Variants in CANX observed in about 807,000 individuals in gnomAD.
CANX encodes epididymis secretory sperm binding protein.
A neutral mutation model predicts 75.7 loss-of-function variants in CANX; 14 were observed. That is an observed-to-expected ratio of 0.19 (90% CI 0.12 to 0.29). The LOEUF is 0.29. Among genes scored for constraint, CANX ranks in the 10% least tolerant of loss-of-function variants. CANX has a pLI of 1.00. For missense variants in CANX, 567 were observed against 713.2 expected (o/e 0.79, Z 2.34); for synonymous variants, 227 against 236.9 (o/e 0.96, Z 0.38).
intron 1 of CANX, chr5:179,700,157 G>A (rs1776639244): frequency 6.6e-6 from 1 of 152,188 alleles, no homozygotes; most frequent in African/African-American, 2.4e-5. Flanking sequence ...TATGGTGATA[G>A]AAGAAACCGG....
At chr5:179,689,379 G>GTTTTTC in intron 1 of CANX, among the ~76,000 whole-genome samples, 1 of 83,676 alleles carries the variant, frequency 1.2e-5, no homozygotes, top group Non-Finnish European at 2.2e-5. Flanking sequence ...AACCCAACAA[G>GTTTTTC]TTTTTTTTTT....
At chr5:179,715,540 A>G (rs1175872569) in intron 7 of CANX, among the ~76,000 whole-genome samples, 1 of 152,240 alleles carries the variant, frequency 6.6e-6, no homozygotes, top group African/African-American at 2.4e-5. Flanking sequence ...TCTGTCTCAA[A>G]AAAATAAAAT....
At chr5:179,709,413 C>CAA (rs1163773074) in intron 6 of CANX, among the ~76,000 whole-genome samples, 4 of 123,786 alleles carry the variant, frequency 3.2e-5, no homozygotes, top group Non-Finnish European at 5.1e-5. Context: ...GACTCCATCT[C>CAA]AAAAAAAAAA....
At chr5:179,726,027 G>T (rs553588818) in intron 13 of CANX, among the ~76,000 whole-genome samples, 5 of 151,500 alleles carry the variant, frequency 3.3e-5, no homozygotes, top group Non-Finnish European at 7.4e-5. Context: ...GGTGGCTCAC[G>T]CCTATAATCC....
intron 1 of CANX, among the ~76,000 whole-genome samples, chr5:179,681,206 A>G (rs1776055214): frequency 6.6e-6 from 1 of 152,194 alleles, no homozygotes; most frequent in African/African-American, 2.4e-5. Context: ...TGTTCTAGGA[A>G]CAGTTCTAGG....
intron 3 of CANX, among the ~76,000 whole-genome samples, chr5:179,706,745 C>T (rs1777166371): frequency 6.6e-6 from 1 of 152,164 alleles, no homozygotes; most frequent in Non-Finnish European, 1.5e-5. Flanking sequence ...GCATGAGCCA[C>T]CGCACCTGGC....
chr5:179,698,878 A>G (rs900172919), upstream of CANX: 14 of 1,125,542 alleles, frequency 1.2e-5, no homozygotes, highest in Admixed American at 4.0e-4. Flanking sequence ...CTTGCGCGGG[A>G]GGGCGGGACT....
chr5:179,686,100 G>C (rs1188888459), intron 1 of CANX, among the ~76,000 whole-genome samples: 1 of 101,158 alleles, frequency 9.9e-6, no homozygotes, highest in Non-Finnish European at 2.2e-5. Context: ...GGTTGTTCAA[G>C]TCTTTTTTTT....
Position 179,698,968 on chromosome 5 carries a change from G to C in CANX, c.-138G>C. On this transcript the variant is annotated 5_prime_UTR_variant, in exon 1 of 15. Coordinates refer to ENST00000247461, the MANE Select transcript of CANX (RefSeq NM_001746.4). ...TGCGGTGGGGCTCGCTCGCGCGGCA[G>C]CGGTGGCCGAGGCCTCTTGGTTCTG... 2 of 1,124,626 alleles carry C rather than the reference G, an allele frequency of 1.8e-6. No homozygotes were observed. Among genetic ancestry groups the C allele is most frequent in the Non-Finnish European group, 2.2e-6 (2 of 911,412 alleles). 69.7% of individuals were successfully genotyped at this position (1,124,626 alleles called of 1,614,324 possible).
intron 1 of CANX, among the ~76,000 whole-genome samples, chr5:179,687,097 G>C (rs1776203248): frequency 6.7e-6 from 1 of 149,676 alleles, no homozygotes; most frequent in African/African-American, 2.5e-5. Flanking sequence ...TTGTTTGTTT[G>C]TTTGTTTTTT....
At chr5:179,698,847 C>A, upstream of CANX, 1 of 976,750 alleles carries the variant, frequency 1.0e-6, no homozygotes, top group Non-Finnish European at 1.3e-6. Context: ...GATGCCCACG[C>A]CGGCCAACCG....
intron 13 of CANX, among the ~76,000 whole-genome samples, chr5:179,725,002 T>A (rs1331540211): frequency 6.6e-6 from 1 of 151,832 alleles, no homozygotes; most frequent in Non-Finnish European, 1.5e-5. Flanking sequence ...AGCAACAGAG[T>A]GAGACCCTGT....
chr5:179,718,411 T>A (rs1316591942), intron 8 of CANX, among the ~76,000 whole-genome samples: 1 of 152,114 alleles, frequency 6.6e-6, no homozygotes, highest in Non-Finnish European at 1.5e-5. Flanking sequence ...TTAGTAGAGA[T>A]GGGATTTCAC....
chr5:179,685,629 A>G (rs569336865), intron 1 of CANX, among the ~76,000 whole-genome samples: 4 of 134,420 alleles, frequency 3.0e-5, no homozygotes, highest in Non-Finnish European at 6.1e-5. Context: ...ATCTCGGCTC[A>G]CTGAAACCTC....
chr5:179,720,509 C>T lies in CANX; in HGVS notation c.1131C>T (p.Pro377=), dbSNP rs1778241734. The change falls in exon 10 of 15, where the codon CCC becomes CCT. Residue 377 remains proline, a synonymous_variant. Coordinates refer to ENST00000247461, the MANE Select transcript of CANX (RefSeq NM_001746.4). ...GVWQRPVIDN[P]NYKGKWKPPM... is the part of the protein sequence containing the mutation. ...GGCAGCGACCTGTGATTGACAACCC[C>T]AATTATAAAGGCAAATGGAAGCCTC... 6.2e-7 allele frequency: 1 copy of T among 1,613,992 alleles called. No individual in the cohort carries two copies. The highest frequency in any genetic ancestry group is 8.5e-7 in the Non-Finnish European group (1 of 1,179,950).
Position 179,709,922 on chromosome 5 carries a change from A to G in CANX, c.578A>G (p.Lys193Arg). The G allele has an allele frequency of 1.2e-6, 2 of 1,612,018 alleles. No homozygotes were observed. The highest frequency in any genetic ancestry group is 2.2e-5 in the East Asian group (1 of 44,822). The change falls in exon 7 of 15, where the codon AAA becomes AGA. Residue 193 changes from lysine to arginine, a missense_variant. Coordinates refer to ENST00000247461, the MANE Select transcript of CANX (RefSeq NM_001746.4). Reference sequence around the variant, plus strand: ...TATACGATTATGTTTGGTCCAGATAAATGTGGAGAGGACTATAAACTGCAC... The same window carrying G: ...TATACGATTATGTTTGGTCCAGATAGATGTGGAGAGGACTATAAACTGCAC... ...TPYTIMFGPD[K>R]CGEDYKLHFI...
At chr5:179,714,518 A>AT (rs1197707587) in intron 7 of CANX, among the ~76,000 whole-genome samples, 14 of 149,478 alleles carry the variant, frequency 9.4e-5, no homozygotes, top group Non-Finnish European at 1.2e-4. Context: ...TTTTTTATTT[A>AT]TTTTTATTTT....
intron 1 of CANX, among the ~76,000 whole-genome samples, chr5:179,681,654 A>G (rs1776068242): frequency 6.6e-6 from 1 of 152,146 alleles, no homozygotes; most frequent in Admixed American, 6.6e-5. Flanking sequence ...GCCAGCTCCT[A>G]CAGCACCTAT....
At chr5:179,724,545 ATATC>A (rs2113272254) in intron 12 of CANX, 108 bp from the exon 13 acceptor site, 1 of 811,176 alleles carries the variant, frequency 1.2e-6, no homozygotes, top group Non-Finnish European at 2.1e-6. Flanking sequence ...TCGTTTCTGT[ATATC>A]TATCCCTGTA....
Sources: gnomAD v4.1 joint callset for allele counts (sites outside exome capture counted in the v4.1 genomes callset) on GRCh38, gnomAD v4.1.1 for gene constraint, MANE v1.5 for transcripts, NCBI Gene and HGNC (gene_info 2026-07-23, HGNC 2026-07-21) for gene names.